Variants in EFR3A observed in about 807,000 individuals in gnomAD.
EFR3A encodes the protein protein EFR3 homolog A.
In EFR3A, 76 loss-of-function variants were observed where a neutral mutation model predicts 104.4. That is an observed-to-expected ratio of 0.73 (90% CI 0.60 to 0.88). The LOEUF is 0.88. Among genes scored for constraint, EFR3A ranks in the 40% least tolerant of loss-of-function variants. EFR3A has a pLI of 0.00. For missense variants in EFR3A, 985 were observed against 1,012.5 expected (o/e 0.97, Z 0.37); for synonymous variants, 330 against 330.0 (o/e 1.00, Z 0.00).
At chr8:131,953,717 T>A in intron 5 of EFR3A, 101 bp from the exon 6 acceptor site, 3 of 1,052,360 alleles carry the variant, frequency 2.9e-6, no homozygotes, top group Non-Finnish European at 3.9e-6. Flanking sequence ...ATTGATAAGA[T>A]AACAGTATTT....
At chr8:131,960,675 CA>C (rs1441633983) in intron 8 of EFR3A, among the ~76,000 whole-genome samples, 2 of 152,138 alleles carry the variant, frequency 1.3e-5, no homozygotes, top group Non-Finnish European at 2.9e-5. Context: ...ATAAAACAAA[CA>C]AACTGGTCTT....
intron 7 of EFR3A, among the ~76,000 whole-genome samples, chr8:131,956,752 G>A (rs1819018760): frequency 6.6e-6 from 1 of 152,064 alleles, no homozygotes; most frequent in African/African-American, 2.4e-5. Context: ...AAAAATTAGA[G>A]AATCATTAGA....
At chr8:131,936,299 A>G (rs1332855812) in intron 1 of EFR3A, among the ~76,000 whole-genome samples, 1 of 152,120 alleles carries the variant, frequency 6.6e-6, no homozygotes, top group Non-Finnish European at 1.5e-5. Context: ...TTCTTCTACT[A>G]TACTGTCACA....
intron 19 of EFR3A, among the ~76,000 whole-genome samples, chr8:131,996,723 T>A (rs1821511132): frequency 6.6e-6 from 1 of 152,120 alleles, no homozygotes; most frequent in Non-Finnish European, 1.5e-5. Flanking sequence ...TAACATTATA[T>A]GTTATGATGT....
At chr8:131,948,247 G>A (rs576229875) in intron 4 of EFR3A, among the ~76,000 whole-genome samples, 3 of 152,088 alleles carry the variant, frequency 2.0e-5, no homozygotes, top group Non-Finnish European at 2.9e-5. Flanking sequence ...TTTGAACTAC[G>A]CCTGTACCGC....
At chr8:131,928,503 TTAAAG>T (rs1817420475) in intron 1 of EFR3A, among the ~76,000 whole-genome samples, 1 of 152,150 alleles carries the variant, frequency 6.6e-6, no homozygotes, top group Admixed American at 6.6e-5. Context: ...CAAAAGCTGA[TTAAAG>T]TAGCAATAAA....
intron 18 of EFR3A, among the ~76,000 whole-genome samples, chr8:131,990,906 C>G (rs114112897): frequency 1.3e-5 from 2 of 151,828 alleles, no homozygotes; most frequent in Admixed American, 6.6e-5. Flanking sequence ...ACTGAGGGGA[C>G]GCATAGGATT....
intron 9 of EFR3A, among the ~76,000 whole-genome samples, 198 bp downstream of exon 9, chr8:131,968,628 C>T (rs909812244): frequency 1.3e-5 from 2 of 152,116 alleles, no homozygotes; most frequent in African/African-American, 4.8e-5. Context: ...TCCTTCACAT[C>T]AATTCCTCCT....
chr8:131,933,450 GATGAA>G (rs1403304498), intron 1 of EFR3A, among the ~76,000 whole-genome samples: 1 of 127,908 alleles, frequency 7.8e-6, no homozygotes, highest in Non-Finnish European at 1.6e-5. Context: ...GCCAGGATCA[GATGAA>G]ATGAAAAGGG....
chr8:131,977,125 T>C, intron 12 of EFR3A, 33 bp downstream of exon 12: 1 of 1,489,352 alleles, frequency 6.7e-7, no homozygotes, highest in Non-Finnish European at 9.2e-7. Flanking sequence ...AGGACACACT[T>C]AACCTTAAAT....
chr8:131,974,826 A>T (rs1820240357), intron 10 of EFR3A, among the ~76,000 whole-genome samples: 1 of 152,226 alleles, frequency 6.6e-6, no homozygotes, highest in Admixed American at 6.5e-5. Flanking sequence ...AAAATGATGA[A>T]TAGAACAGTT....
At chr8:131,906,385 G>C (rs1335171995) in intron 1 of EFR3A, among the ~76,000 whole-genome samples, 1 of 152,260 alleles carries the variant, frequency 6.6e-6, no homozygotes, top group Non-Finnish European at 1.5e-5. Context: ...TGGTTGAGAG[G>C]CTTAGTGATA....
intron 2 of EFR3A, among the ~76,000 whole-genome samples, chr8:131,941,315 A>G (rs1006515763): frequency 3.3e-5 from 5 of 152,102 alleles, no homozygotes; most frequent in Non-Finnish European, 7.4e-5. Flanking sequence ...AGACTTCTGT[A>G]GTCTCCTGTT....
chr8:131,996,335 AG>A, intron 18 of EFR3A, 70 bp from the exon 19 acceptor site: 9 of 950,208 alleles, frequency 9.5e-6, no homozygotes, highest in Non-Finnish European at 1.4e-5. Flanking sequence ...ATCTGAAATA[AG>A]TAGAGTTTAT....
At chr8:131,982,630 T>C (rs1328937350) in intron 14 of EFR3A, among the ~76,000 whole-genome samples, 1 of 152,218 alleles carries the variant, frequency 6.6e-6, no homozygotes, top group East Asian at 1.9e-4. Flanking sequence ...TCATCTAATA[T>C]GGTGACTATG....
chr8:132,000,385 C>A (rs1486167196), intron 19 of EFR3A, among the ~76,000 whole-genome samples: 1 of 152,192 alleles, frequency 6.6e-6, no homozygotes, highest in Non-Finnish European at 1.5e-5. Context: ...GCCTCCGCCT[C>A]CCAAAGTGCT....
chr8:131,935,039 T>C (rs768785775), intron 1 of EFR3A, among the ~76,000 whole-genome samples: 1 of 152,138 alleles, frequency 6.6e-6, no homozygotes, highest in Non-Finnish European at 1.5e-5. Flanking sequence ...CTTGAAGTGG[T>C]TAATTTTAAA....
chr8:132,011,510 C>T lies in EFR3A; in HGVS notation c.*615C>T, dbSNP rs769531335. 132 of 803,174 alleles carry T rather than the reference C, an allele frequency of 1.6e-4. No homozygotes were observed. Among genetic ancestry groups the T allele is most frequent in the Non-Finnish European group, 1.9e-4 (126 of 663,514 alleles). The allele number at this position is 803,174 out of a possible 1,614,324, so 49.8% of individuals were successfully genotyped here. A position where few individuals can be genotyped will look rare whatever the true frequency, so the allele number is the denominator to read the frequency against. ...CATTCCTCGAATATAACCCTAAAAACGCCATACTTTAAATTGTCTGGTTCT... is the reference window on the plus strand; with the variant it reads ...CATTCCTCGAATATAACCCTAAAAATGCCATACTTTAAATTGTCTGGTTCT... On this transcript the variant is annotated 3_prime_UTR_variant, in exon 23 of 23. Coordinates refer to ENST00000254624, the MANE Select transcript of EFR3A (RefSeq NM_015137.6).
chr8:131,986,232 A>G lies in EFR3A; in HGVS notation c.1908A>G (p.Leu636=), dbSNP rs1820873320. Residue 636 remains leucine (L), a synonymous_variant, in exon 17 of 23, where the codon CTA becomes CTG. Transcript: ENST00000254624. ...EIRTMEAPYF[L]PEHIFRDKCM... The stretch of plus-strand genomic sequence containing the variant: ...GAACTATGGAAGCCCCTTATTTTCT[A>G]CCAGAGCATATCTTCAGAGATAAGT... 3.1e-6 allele frequency: 5 copies of G among 1,592,946 alleles called. No homozygotes were observed. Among genetic ancestry groups the G allele is most frequent in the East Asian group, 4.5e-5 (2 of 44,632 alleles).
Sources: gnomAD v4.1 joint callset for allele counts (sites outside exome capture counted in the v4.1 genomes callset) on GRCh38, gnomAD v4.1.1 for gene constraint, MANE v1.5 for transcripts, NCBI Gene and HGNC (gene_info 2026-07-23, HGNC 2026-07-21) for gene names.